The following ADGRB1 variants were observed in gnomAD, a reference collection of about 807,000 sequenced individuals.
ADGRB1 encodes the protein adhesion G protein-coupled receptor B1, also known as brain-specific angiogenesis inhibitor 1.
ADGRB1 carries 36 observed loss-of-function variants against 175.7 expected under a neutral mutation model. The ratio of observed to expected loss-of-function variants is 0.20; its 90% CI spans 0.16 to 0.27. The LOEUF (loss-of-function observed/expected upper bound fraction) is 0.27, where lower values mean the gene tolerates loss of function less well. Among genes scored for constraint, ADGRB1 ranks in the 10% least tolerant of loss-of-function variants. ADGRB1 has a pLI of 1.00. For missense variants in ADGRB1, 1,731 were observed against 2,255.3 expected, an observed-to-expected ratio of 0.77 and a Z score of 4.71; for synonymous variants, 1,054 against 979.4, an observed-to-expected ratio of 1.08 and a Z score of -1.42.
intron 1 of ADGRB1, among the ~76,000 whole-genome samples, chr8:142,462,664 C>T (rs138289950): frequency 1.9e-4 from 29 of 152,338 alleles, no homozygotes; most frequent in Non-Finnish European, 2.9e-4. Flanking sequence ...GCGGCAAGTC[C>T]CGTGGGCGGG....
rs1409902386 is a variant in ADGRB1, at chr8:142,537,355, C to T, written c.3666+273C>T. Reference sequence around the variant, plus strand: ...ACTCACCCCCGCTGGCAGCAGTGCCCGTCTGGCTGGACACCACCCTCTGAG... The same window carrying T: ...ACTCACCCCCGCTGGCAGCAGTGCCTGTCTGGCTGGACACCACCCTCTGAG... On this transcript the variant is annotated intron_variant, in intron 26 of 30. Coordinates refer to ENST00000517894, the MANE Select transcript of ADGRB1 (RefSeq NM_001702.3). This position sits in a 1 kb window ranked among gnomAD's most constrained non-coding sequence, Gnocchi z 4.6. 3.3e-5 allele frequency among the ~76,000 whole-genome samples: 5 copies of T among 152,032 alleles called. No individual in the cohort carries two copies. Among genetic ancestry groups the T allele is most frequent in the Admixed American group, 1.3e-4 (2 of 15,278 alleles).
Position 142,511,002 on chromosome 8 carries a change from G to A in ADGRB1, c.2746G>A (p.Ala916Thr). The A allele has an allele frequency of 2.3e-6, 3 of 1,303,704 alleles. No individual in the cohort carries two copies. The highest frequency in any genetic ancestry group is 2.7e-5 in the Admixed American group (1 of 36,738). 80.8% of individuals were successfully genotyped at this position (1,303,704 alleles called of 1,614,324 possible). A position where few individuals can be genotyped will look rare whatever the true frequency, so the allele number is the denominator to read the frequency against. ...WRGCRTVPLD[A>T]LRTRCLCDRL... ...CGGCTGCCGCACGGTGCCCCTCGAC[G>A]CCCTCCGGACGCGCTGCCTCTGTGA... The change falls in exon 18 of 31, where the codon GCC becomes ACC. Residue 916 changes from alanine to threonine, a missense_variant. Ala to Thr is a moderately conservative substitution (Grantham distance 58, BLOSUM62 0). Around this residue, in one of 8 missense-constraint regions of ADGRB1, gnomAD observed 77 missense variants for 71.6 expected, o/e 1.08. Transcript: ENST00000517894. The surrounding 1 kb of genome is among the most constrained non-coding windows in gnomAD (Gnocchi z 4.5).
chr8:142,538,092 C>T (rs1845046060), intron 26 of ADGRB1, among the ~76,000 whole-genome samples: 1 of 152,220 alleles, frequency 6.6e-6, no homozygotes, highest in Non-Finnish European at 1.5e-5. Context: ...GTCCTTCACA[C>T]AAGCTTCCAC....
intron 23 of ADGRB1, 88 bp downstream of exon 23, chr8:142,524,392 G>T: frequency 7.3e-7 from 1 of 1,365,442 alleles, no homozygotes; most frequent in Non-Finnish European, 9.9e-7. Context: ...CATGCCCCAG[G>T]CTGTGCACCT....
intron 18 of ADGRB1, among the ~76,000 whole-genome samples, chr8:142,512,612 T>G (rs1488931650): frequency 6.6e-6 from 1 of 152,200 alleles, no homozygotes; most frequent in East Asian, 1.9e-4. Flanking sequence ...TGACGAACTG[T>G]GACCCTGGAC....
chr8:142,458,077 CT>C (rs1193449943), intron 1 of ADGRB1, among the ~76,000 whole-genome samples: 1 of 143,388 alleles, frequency 7.0e-6, no homozygotes, highest in Non-Finnish European at 1.5e-5. Context: ...AACAGAGTGC[CT>C]TTTGTGGCTG....
intron 17 of ADGRB1, among the ~76,000 whole-genome samples, chr8:142,502,662 A>ATGGTGGGGC (rs1554614975): frequency 6.7e-6 from 1 of 148,434 alleles, no homozygotes; most frequent in Non-Finnish European, 1.5e-5. Flanking sequence ...GGTGATGGTG[A>ATGGTGGGGC]TGGTGGTAGT....
At chr8:142,529,324 G>A (rs938814630) in intron 24 of ADGRB1, among the ~76,000 whole-genome samples, 7 of 152,126 alleles carry the variant, frequency 4.6e-5, no homozygotes, top group African/African-American at 1.7e-4. Flanking sequence ...GCATGACCAG[G>A]TGTGTGCAGA....
intron 2 of ADGRB1, among the ~76,000 whole-genome samples, chr8:142,469,626 C>T (rs1295665049): frequency 7.1e-6 from 1 of 141,606 alleles, no homozygotes; most frequent in Admixed American, 6.9e-5. Flanking sequence ...TATGCACGTG[C>T]ATGTGTGTAT....
chr8:142,491,046 G>T (rs1420931097), intron 17 of ADGRB1, among the ~76,000 whole-genome samples: 1 of 152,180 alleles, frequency 6.6e-6, no homozygotes, highest in Non-Finnish European at 1.5e-5. Flanking sequence ...AGGAGCGGAC[G>T]TGGAGGTCCA....
chr8:142,534,631 C>T (rs1295328661), intron 25 of ADGRB1, among the ~76,000 whole-genome samples: 1 of 152,196 alleles, frequency 6.6e-6, no homozygotes, highest in African/African-American at 2.4e-5. Context: ...CAGTCAACCA[C>T]CAGCCGGGCA....
Position 142,539,426 on chromosome 8 carries a change from C to T in ADGRB1, c.3706+13C>T. 2 of 1,601,120 alleles carry T rather than the reference C, an allele frequency of 1.2e-6. No homozygotes were observed. Among genetic ancestry groups the T allele is most frequent in the Non-Finnish European group, 1.7e-6 (2 of 1,174,558 alleles). On this transcript the variant is annotated intron_variant, in intron 27 of 30. Coordinates refer to ENST00000517894, the MANE Select transcript of ADGRB1 (RefSeq NM_001702.3). Reference sequence around the variant, plus strand: ...GCCTGTAGATCAGGTGAGCGCCCGACAGGTGAGAGGACAGTGCCAGCCCGG... The same window carrying T: ...GCCTGTAGATCAGGTGAGCGCCCGATAGGTGAGAGGACAGTGCCAGCCCGG...
chr8:142,452,547 G>A (rs886681754), intron 1 of ADGRB1, among the ~76,000 whole-genome samples: 17 of 152,052 alleles, frequency 1.1e-4, no homozygotes, highest in Non-Finnish European at 1.9e-4. Flanking sequence ...ATGGGGACGC[G>A]GGCTCTGCTC....
At chr8:142,538,040 G>A (rs920139432) in intron 26 of ADGRB1, among the ~76,000 whole-genome samples, 68 of 152,314 alleles carry the variant, frequency 4.5e-4, no homozygotes, top group Non-Finnish European at 2.1e-4. Flanking sequence ...GCCTGGTCCT[G>A]TGCAGAACCC....
chr8:142,475,871 G>C (rs558170760), intron 3 of ADGRB1, among the ~76,000 whole-genome samples: 10 of 63,628 alleles, frequency 1.6e-4, no homozygotes, highest in African/African-American at 5.7e-4. Context: ...GGTGGGTCTG[G>C]GCTCTGAGAA....
rs895862788 is a variant in ADGRB1, at chr8:142,485,005, G to A, written c.2308+241G>A. Among the ~76,000 whole-genome samples the A allele has an allele frequency of 5.3e-5, 8 of 152,252 alleles. No homozygotes were observed. The East Asian group carries it at 5.8e-4, about 11-fold the overall frequency. On this transcript the variant is annotated intron_variant, in intron 13 of 30. Transcript: ENST00000517894. ...CCTGGGAGCTCCGTCCCCAACCAGC[G>A]CTTCGCATGTACCCACCTGGGGCCA...
chr8:142,499,827 T>C (rs1180634511), intron 17 of ADGRB1, among the ~76,000 whole-genome samples: 1 of 152,178 alleles, frequency 6.6e-6, no homozygotes, highest in African/African-American at 2.4e-5. Flanking sequence ...GCCTGCTCGG[T>C]GCCGGGCCTT....
intron 17 of ADGRB1, among the ~76,000 whole-genome samples, chr8:142,509,070 A>C (rs1313351556): frequency 6.6e-6 from 1 of 152,070 alleles, no homozygotes; most frequent in Non-Finnish European, 1.5e-5. Flanking sequence ...TGCTAAGGGC[A>C]TTCTCACGGG....
At chr8:142,505,008 G>T (rs1409346140) in intron 17 of ADGRB1, among the ~76,000 whole-genome samples, 1 of 150,774 alleles carries the variant, frequency 6.6e-6, no homozygotes, top group Non-Finnish European at 1.5e-5. Flanking sequence ...AATAGCACCT[G>T]CTTCGTGGGC....
Sources: allele counts gnomAD v4.1 joint callset (sites outside exome capture counted in the v4.1 genomes callset), GRCh38; gene constraint gnomAD v4.1.1; regional missense constraint gnomAD v4.1.1; non-coding constraint Gnocchi (gnomAD v3.1); transcripts MANE v1.5; gene names NCBI Gene and HGNC (gene_info 2026-07-23, HGNC 2026-07-21).